GRIK2: variants seen among roughly 807,000 people sequenced by gnomAD.
The protein encoded by GRIK2 is glutamate ionotropic receptor kainate type subunit 2.
Under a neutral mutation model 100.3 loss-of-function variants are expected in GRIK2, and 32 were observed. The ratio of observed to expected loss-of-function variants is 0.32; its 90% CI spans 0.24 to 0.43. The LOEUF (loss-of-function observed/expected upper bound fraction) is 0.43. Ranked by LOEUF, GRIK2 falls within the 20% of genes least tolerant of loss-of-function variation. The pLI is 1.00. For synonymous variants in GRIK2, 417 were observed against 389.4 expected, an observed-to-expected ratio of 1.07 and a Z score of -0.83; for missense variants, 843 against 1,114.9, an observed-to-expected ratio of 0.76 and a Z score of 3.47.
At chr6:102,024,421 C>G (rs910893625) in intron 14 of GRIK2, among the ~76,000 whole-genome samples, 1 of 151,310 alleles carries the variant, frequency 6.6e-6, no homozygotes, top group East Asian at 2.0e-4. Context: ...CAGGGCAAGT[C>G]TCCCTTTTCC....
Position 101,699,019 on chromosome 6 carries a change from T to C in GRIK2, c.951+12666T>C, listed in dbSNP as rs1036424632. On this transcript the variant is annotated intron_variant, in intron 7 of 16. Coordinates refer to ENST00000369134, the MANE Select transcript of GRIK2 (RefSeq NM_021956.5). ...GATAAGTCAAAGAAACTCAGAAACTTGATCAGGTTGAGCAGACTGGTTGAT... is the reference window on the plus strand; with the variant it reads ...GATAAGTCAAAGAAACTCAGAAACTCGATCAGGTTGAGCAGACTGGTTGAT... Among the ~76,000 whole-genome samples, 7 of 152,194 alleles carry C rather than the reference T, an allele frequency of 4.6e-5. No homozygotes were observed. The East Asian group carries it at 1.4e-3, about 30-fold the overall frequency.
At chr6:101,874,345 A>C (rs923390062) in intron 11 of GRIK2, among the ~76,000 whole-genome samples, 2 of 152,118 alleles carry the variant, frequency 1.3e-5, no homozygotes, top group African/African-American at 4.8e-5. Context: ...ACCATTTATT[A>C]AATAGGGAAT....
At chr6:101,758,145 C>G (rs1777250953) in intron 7 of GRIK2, among the ~76,000 whole-genome samples, 1 of 152,088 alleles carries the variant, frequency 6.6e-6, no homozygotes, top group African/African-American at 2.4e-5. Context: ...GTTGCTTGAG[C>G]CTGGGAGAGG....
At chr6:101,645,188 C>G (rs529182446) in intron 4 of GRIK2, among the ~76,000 whole-genome samples, 3 of 151,488 alleles carry the variant, frequency 2.0e-5, no homozygotes, top group African/African-American at 7.2e-5. Context: ...TAAAATCAAC[C>G]ATAATCTTAC....
intron 12 of GRIK2, among the ~76,000 whole-genome samples, chr6:101,910,065 A>G (rs1396048113): frequency 2.0e-5 from 3 of 151,210 alleles, no homozygotes; most frequent in African/African-American, 7.3e-5. Context: ...ATGTAGTTAT[A>G]GAATTTGAGT....
At chr6:101,583,184 T>C (rs1257030264) in intron 2 of GRIK2, among the ~76,000 whole-genome samples, 2 of 151,958 alleles carry the variant, frequency 1.3e-5, no homozygotes, top group African/African-American at 4.8e-5. Flanking sequence ...AAAAGACTGA[T>C]TGAGGTGAGA....
chr6:101,412,781 C>T (rs1326242681), intron 2 of GRIK2, among the ~76,000 whole-genome samples: 1 of 151,922 alleles, frequency 6.6e-6, no homozygotes, highest in African/African-American at 2.4e-5. Flanking sequence ...AGCTTACATT[C>T]ATATATATTC....
chr6:101,529,619 G>A (rs920656002), intron 2 of GRIK2, among the ~76,000 whole-genome samples: 1 of 152,046 alleles, frequency 6.6e-6, no homozygotes, highest in African/African-American at 2.4e-5. Flanking sequence ...AGTTTTGAAT[G>A]TTTATAATGT....
intron 12 of GRIK2, among the ~76,000 whole-genome samples, chr6:101,913,992 T>G (rs1788930495): frequency 6.6e-6 from 1 of 151,392 alleles, no homozygotes; most frequent in South Asian, 2.1e-4. Flanking sequence ...TTTGAGAAGA[T>G]TTACTTAATA....
At chr6:101,698,678 T>A (rs1209059568) in intron 7 of GRIK2, among the ~76,000 whole-genome samples, 1 of 152,122 alleles carries the variant, frequency 6.6e-6, no homozygotes, top group African/African-American at 2.4e-5. Flanking sequence ...TGTATGGTAT[T>A]ATATCATGTG....
At chr6:101,735,251 C>T (rs1583044220) in intron 7 of GRIK2, among the ~76,000 whole-genome samples, 1 of 152,142 alleles carries the variant, frequency 6.6e-6, no homozygotes, top group African/African-American at 2.4e-5. Context: ...GATGAAAAGG[C>T]ACCCAGTATT....
chr6:101,576,050 A>T (rs1777772704), intron 2 of GRIK2, among the ~76,000 whole-genome samples: 1 of 152,066 alleles, frequency 6.6e-6, no homozygotes, highest in African/African-American at 2.4e-5. Flanking sequence ...TATAATAAAC[A>T]TGTTTGAAAT....
intron 2 of GRIK2, among the ~76,000 whole-genome samples, chr6:101,584,673 T>C (rs1778267229): frequency 6.6e-6 from 1 of 152,036 alleles, no homozygotes; most frequent in African/African-American, 2.4e-5. Context: ...TGTACATCTT[T>C]AGAGAATATA....
At chr6:101,492,471 A>C (rs1048634650) in intron 2 of GRIK2, among the ~76,000 whole-genome samples, 2 of 151,816 alleles carry the variant, frequency 1.3e-5, no homozygotes, top group Non-Finnish European at 2.9e-5. Context: ...CTATGGACTC[A>C]TTTTTTTAAA....
At chr6:101,714,884 A>T (rs926980311) in intron 7 of GRIK2, among the ~76,000 whole-genome samples, 1 of 151,784 alleles carries the variant, frequency 6.6e-6, no homozygotes, top group East Asian at 1.9e-4. Flanking sequence ...TACACTAAAA[A>T]TCTGAAGCAT....
intron 7 of GRIK2, among the ~76,000 whole-genome samples, chr6:101,750,991 A>G (rs1484583839): frequency 6.6e-6 from 1 of 152,258 alleles, no homozygotes; most frequent in African/African-American, 2.4e-5. Context: ...CAGTGAAAAA[A>G]GTACTATATT....
At chr6:101,610,732 G>C (rs533572842) in intron 2 of GRIK2, among the ~76,000 whole-genome samples, 2 of 151,736 alleles carry the variant, frequency 1.3e-5, no homozygotes, top group African/African-American at 2.4e-5. Context: ...GAGTGAAGAG[G>C]CTTGCTCATC....
At chr6:101,461,474 C>G (rs1298304669) in intron 2 of GRIK2, among the ~76,000 whole-genome samples, 1 of 152,154 alleles carries the variant, frequency 6.6e-6, no homozygotes, top group African/African-American at 2.4e-5. Flanking sequence ...GGCCCACTTC[C>G]TCTATCTTCA....
At chr6:102,050,369 A>G (rs1349986537) in intron 15 of GRIK2, among the ~76,000 whole-genome samples, 1 of 151,892 alleles carries the variant, frequency 6.6e-6, no homozygotes. Flanking sequence ...AAAAGAATAC[A>G]GGGCCCCAGC....
Sources: allele counts gnomAD v4.1 joint callset (sites outside exome capture counted in the v4.1 genomes callset), GRCh38; gene constraint gnomAD v4.1.1; transcripts MANE v1.5; gene names NCBI Gene and HGNC (gene_info 2026-07-23, HGNC 2026-07-21).